PLCB1: variants seen among roughly 807,000 people sequenced by gnomAD.
PLCB1 encodes the protein 1-phosphatidylinositol 4,5-bisphosphate phosphodiesterase beta-1.
In PLCB1, 46 loss-of-function variants were observed where a neutral mutation model predicts 161.8. That is an observed-to-expected ratio of 0.28 (90% CI 0.22 to 0.36). The LOEUF is 0.36. Ranked by LOEUF, PLCB1 falls within the 10% of genes least tolerant of loss-of-function variation. The pLI is 1.00. For synonymous variants in PLCB1, 517 were observed against 503.7 expected (o/e 1.03, Z -0.35); for missense variants, 1,016 against 1,472.5 (o/e 0.69, Z 5.07).
chr20:8,224,426 T>C (rs1411204061), intron 2 of PLCB1, among the ~76,000 whole-genome samples: 1 of 152,202 alleles, frequency 6.6e-6, no homozygotes, highest in Middle Eastern at 3.2e-3. Context: ...ATTAGTCTAA[T>C]AACTTCAGGC....
intron 2 of PLCB1, among the ~76,000 whole-genome samples, chr20:8,342,677 T>C (rs546722363): frequency 3.1e-4 from 47 of 152,170 alleles, no homozygotes; most frequent in Non-Finnish European, 5.9e-4. Context: ...CTGAACTGAG[T>C]CTAACCTGTT....
chr20:8,179,725 C>T (rs114538004), intron 2 of PLCB1, among the ~76,000 whole-genome samples: 3,074 of 152,074 alleles, frequency 0.02, 77 homozygotes, highest in African/African-American at 0.067. Context: ...TGTTCTTGTC[C>T]CAGTTCTCAA....
chr20:8,148,756 G>C (rs553867538), intron 1 of PLCB1, among the ~76,000 whole-genome samples: 2 of 152,312 alleles, frequency 1.3e-5, no homozygotes, highest in South Asian at 4.1e-4. Flanking sequence ...CATGAATGAA[G>C]TTTTAGGACT....
intron 2 of PLCB1, among the ~76,000 whole-genome samples, chr20:8,290,925 A>G (rs779803106): frequency 3.3e-5 from 5 of 152,176 alleles, no homozygotes; most frequent in Middle Eastern, 3.4e-3. Flanking sequence ...ATAAGTTACA[A>G]CTATTGACAA....
At chr20:8,259,024 A>G (rs546750829) in intron 2 of PLCB1, among the ~76,000 whole-genome samples, 25 of 152,302 alleles carry the variant, frequency 1.6e-4, no homozygotes, top group Non-Finnish European at 3.1e-4. Context: ...AAATGGAATC[A>G]TACAATATGT....
At chr20:8,357,855 T>C (rs138385990) in intron 2 of PLCB1, among the ~76,000 whole-genome samples, 2 of 152,264 alleles carry the variant, frequency 1.3e-5, no homozygotes, top group African/African-American at 4.8e-5. Context: ...TTTTCTTTTG[T>C]GGTTTTCTTT....
At chr20:8,134,906 A>G (rs2051331020) in intron 1 of PLCB1, among the ~76,000 whole-genome samples, 1 of 151,452 alleles carries the variant, frequency 6.6e-6, no homozygotes, top group South Asian at 2.1e-4. Flanking sequence ...CTCAGGAGTC[A>G]AGTTATCTGG....
rs116315144 is a variant in PLCB1 at position 8,439,170 on chromosome 20, G to C, written c.246+67720G>C. ...AGAGTGAGCAAATGATTTAACAGTC[G>C]ATGGAGTGCAAATTGCCAACAACTT... is the stretch of plus-strand genomic sequence containing the variant. On this transcript the variant is annotated intron_variant, in intron 3 of 31. Coordinates refer to ENST00000338037, the MANE Select transcript of PLCB1 (RefSeq NM_015192.4). Among the ~76,000 whole-genome samples, 669 of 152,232 alleles carry C rather than the reference G, an allele frequency of 4.4e-3. 7 individuals are homozygous for C. Among genetic ancestry groups the C allele is most frequent in the African/African-American group, 0.015 (611 of 41,528 alleles).
intron 3 of PLCB1, among the ~76,000 whole-genome samples, chr20:8,398,207 A>G (rs1600373671): frequency 1.3e-5 from 2 of 152,280 alleles, no homozygotes; most frequent in South Asian, 2.1e-4. Context: ...TTTAAGGACC[A>G]TGCATGTATA....
At chr20:8,494,878 AC>A (rs1176923428) in intron 3 of PLCB1, among the ~76,000 whole-genome samples, 1 of 152,184 alleles carries the variant, frequency 6.6e-6, no homozygotes, top group East Asian at 1.9e-4. Context: ...AATGATACTT[AC>A]CGTATTTCAC....
At chr20:8,677,151 T>G (rs1990102670) in intron 9 of PLCB1, among the ~76,000 whole-genome samples, 2 of 152,104 alleles carry the variant, frequency 1.3e-5, no homozygotes. Flanking sequence ...CCCAGCAATT[T>G]GGGAGGCTGA....
intron 3 of PLCB1, among the ~76,000 whole-genome samples, chr20:8,501,769 T>C (rs538285165): frequency 2.0e-5 from 3 of 151,882 alleles, no homozygotes; most frequent in South Asian, 4.2e-4. Context: ...CTTAAGGCCT[T>C]AACATGTATT....
chr20:8,675,106 T>C (rs1990043141), intron 9 of PLCB1, among the ~76,000 whole-genome samples: 2 of 152,102 alleles, frequency 1.3e-5, no homozygotes, highest in Non-Finnish European at 2.9e-5. Flanking sequence ...GAATCAAGTA[T>C]CAACATATCT....
At chr20:8,312,924 T>G (rs753679121) in intron 2 of PLCB1, among the ~76,000 whole-genome samples, 1 of 152,180 alleles carries the variant, frequency 6.6e-6, no homozygotes, top group Non-Finnish European at 1.5e-5. Flanking sequence ...TTCAAAATAT[T>G]TGGCATTATA....
intron 2 of PLCB1, among the ~76,000 whole-genome samples, chr20:8,297,134 C>T (rs1009605455): frequency 3.9e-5 from 6 of 151,994 alleles, no homozygotes; most frequent in African/African-American, 1.4e-4. Context: ...AATATATATG[C>T]ATACATATAT....
intron 3 of PLCB1, among the ~76,000 whole-genome samples, chr20:8,504,806 T>G (rs1983566982): frequency 6.6e-6 from 1 of 152,228 alleles, no homozygotes; most frequent in African/African-American, 2.4e-5. Flanking sequence ...ATTACCAATG[T>G]GGCATTAATA....
intron 3 of PLCB1, among the ~76,000 whole-genome samples, chr20:8,443,467 G>T (rs1271661122): frequency 1.3e-5 from 2 of 152,178 alleles, no homozygotes; most frequent in East Asian, 3.8e-4. Flanking sequence ...TTACCAGTGT[G>T]GAAAAGAAAT....
chr20:8,282,775 T>C (rs1322578687), intron 2 of PLCB1, among the ~76,000 whole-genome samples: 1 of 152,118 alleles, frequency 6.6e-6, no homozygotes, highest in Non-Finnish European at 1.5e-5. Flanking sequence ...CCCAACTGCT[T>C]TTAATTAAAC....
intron 3 of PLCB1, among the ~76,000 whole-genome samples, chr20:8,588,285 C>G (rs543114753): frequency 6.6e-6 from 1 of 152,242 alleles, no homozygotes; most frequent in South Asian, 2.1e-4. Context: ...TAGAGTAGCT[C>G]ACCATAGTAG....
Sources: gnomAD v4.1 joint callset for allele counts (sites outside exome capture counted in the v4.1 genomes callset) on GRCh38, gnomAD v4.1.1 for gene constraint, MANE v1.5 for transcripts, NCBI Gene and HGNC (gene_info 2026-07-23, HGNC 2026-07-21) for gene names.